Variants in DDOST observed in about 807,000 individuals in gnomAD.
DDOST encodes dolichyl-diphosphooligosaccharide--protein glycosyltransferase non-catalytic subunit.
In DDOST, 25 loss-of-function variants were observed where a neutral mutation model predicts 47.6. The ratio of observed to expected loss-of-function variants is 0.53; its 90% CI spans 0.38 to 0.73. The LOEUF (loss-of-function observed/expected upper bound fraction) is 0.73. Among genes scored for constraint, DDOST ranks in the 30% least tolerant of loss-of-function variants. The probability of loss-of-function intolerance (pLI) is 0.00; values close to 1 mark genes in which losing one functional copy is unlikely to be tolerated. For synonymous variants in DDOST, 275 were observed against 236.0 expected (o/e 1.17, Z -1.51); for missense variants, 526 against 573.9 (o/e 0.92, Z 0.85).
At chr1:20,658,379 T>C (rs1011756767) in intron 2 of DDOST, among the ~76,000 whole-genome samples, 2 of 152,216 alleles carry the variant, frequency 1.3e-5, no homozygotes, top group African/African-American at 4.8e-5. Context: ...GGCAGGGCCC[T>C]GGGAGCAGAC....
At chr1:20,657,877 C>A (rs951100984) in intron 2 of DDOST, among the ~76,000 whole-genome samples, 1 of 152,174 alleles carries the variant, frequency 6.6e-6, no homozygotes, top group Non-Finnish European at 1.5e-5. Context: ...AGCCTATTGG[C>A]ACAGTGCAGT....
Position 20,655,750 on chromosome 1 carries a change from A to G in DDOST, c.382T>C (p.Cys128Arg). Residue 128 changes from cysteine (C) to arginine (R), a missense_variant, in exon 4 of 11, where the codon TGC becomes CGC. Transcript: ENST00000602624. ...GDPLRELGSECGIEFDEEKTA... is the reference protein window; with the variant it reads ...GDPLRELGSERGIEFDEEKTA... ...TTCTCCTCGTCAAACTCAATCCCGC[A>G]CTCACTGCCCAGCTCTCGAAGAGGG... 6.2e-7 allele frequency: 1 copy of G among 1,613,890 alleles called. No individual in the cohort carries two copies. Among genetic ancestry groups the G allele is most frequent in the African/African-American group, 1.3e-5 (1 of 74,930 alleles).
rs1230483132 is a variant in DDOST at position 20,656,168 on chromosome 1, G to A, written c.285C>T (p.Asn95=). ...PSVEDFGGNI[N]VETISAFIDG... ...CAATAAAGGCACTGATGGTCTCCAC[G>A]TTGATGTTGCCTCCAAAATCTGAAA... Residue 95 remains asparagine, a synonymous_variant, in exon 3 of 11, where the codon AAC becomes AAT. Coordinates refer to ENST00000602624, the MANE Select transcript of DDOST (RefSeq NM_005216.5). 16 of 1,613,962 alleles carry A rather than the reference G, an allele frequency of 9.9e-6. No individual in the cohort carries two copies. The highest frequency in any genetic ancestry group is 5.0e-5 in the Admixed American group (3 of 59,992).
intron 7 of DDOST, 52 bp from the exon 8 acceptor site, chr1:20,653,826 G>A (rs1164162850): frequency 3.2e-6 from 5 of 1,585,290 alleles, no homozygotes; most frequent in Admixed American, 1.7e-5. Context: ...CTTTCCAGTG[G>A]TGCCTGATGG....
intron 7 of DDOST, among the ~76,000 whole-genome samples, 165 bp from the exon 8 acceptor site, chr1:20,653,939 G>A (rs1321829647): frequency 2.6e-5 from 4 of 152,176 alleles, no homozygotes; most frequent in South Asian, 2.1e-4. Flanking sequence ...GGAAACAAAC[G>A]AAAAGATATG....
At chr1:20,657,112 G>A (rs180732260) in intron 2 of DDOST, among the ~76,000 whole-genome samples, 232 of 152,294 alleles carry the variant, frequency 1.5e-3, no homozygotes, top group African/African-American at 5.2e-3. Context: ...GCAGTCTGTG[G>A]GGTCAGAGGA....
At chr1:20,655,176 T>TG (rs1325475693) in intron 5 of DDOST, among the ~76,000 whole-genome samples, 60 of 125,008 alleles carry the variant, frequency 4.8e-4, no homozygotes, top group Non-Finnish European at 1.3e-4. Flanking sequence ...TTTTTGTTTT[T>TG]TTTTTTTTTT....
Position 20,656,121 on chromosome 1 carries a change from A to G in DDOST, c.332T>C (p.Val111Ala). Residue 111 changes from valine to alanine, a missense_variant, in exon 3 of 11, where the codon GTA (valine) becomes GCA (alanine). By Grantham distance (64) the Val-to-Ala change is moderately conservative. Coordinates refer to ENST00000602624, the MANE Select transcript of DDOST (RefSeq NM_005216.5). ...AFIDGGGSVL[V>A]AASSDIGDPL... The stretch of plus-strand genomic sequence containing the variant: ...CTCACCAATGTCGGAGCTGGCAGCT[A>G]CCAGCACACTGCCTCCGCCGTCAAT... The G allele has an allele frequency of 6.2e-7, 1 of 1,613,894 alleles. No individual in the cohort carries two copies. Among genetic ancestry groups the G allele is most frequent in the Non-Finnish European group, 8.5e-7 (1 of 1,179,740 alleles).
chr1:20,658,433 G>A (rs948758090), intron 2 of DDOST, among the ~76,000 whole-genome samples: 1 of 152,248 alleles, frequency 6.6e-6, no homozygotes, highest in Non-Finnish European at 1.5e-5. Flanking sequence ...TTCCTCCCAA[G>A]GAACGCCTGA....
chr1:20,661,194 C>T lies in DDOST; in HGVS notation c.154+3G>A, dbSNP rs912277276. 24 of 1,613,320 alleles carry T rather than the reference C, an allele frequency of 1.5e-5. No homozygotes were observed. Among genetic ancestry groups the T allele is most frequent in the Non-Finnish European group, 1.9e-5 (23 of 1,179,786 alleles). On this transcript the variant is annotated splice_donor_region_variant and intron_variant, in intron 1 of 10. Coordinates refer to ENST00000602624, the MANE Select transcript of DDOST (RefSeq NM_005216.5). ...ACGCTACCCCCTCGGACCCCGCTCT[C>T]ACCCTTCAGGCTCCGGAAGAAAAGC...
In DDOST at chr1:20,651,801, T is replaced by TTTTTATTTATTTA. The variant is rs886045853; in HGVS notation, c.*577_*578insTAAATAAATAAAA. 1.4e-5 allele frequency: 2 copies of TTTTTATTTATTTA among 147,120 alleles called. No individual in the cohort carries two copies. The highest frequency in any genetic ancestry group is 5.0e-5 in the African/African-American group (2 of 39,712). The allele number at this position is 147,120 out of a possible 1,614,324, so 9.1% of individuals were successfully genotyped here. A position where few individuals can be genotyped will look rare whatever the true frequency, so the allele number is the denominator to read the frequency against. On this transcript the variant is annotated 3_prime_UTR_variant, in exon 11 of 11. Coordinates refer to ENST00000602624, the MANE Select transcript of DDOST (RefSeq NM_005216.5). ...GTTTGAGGGCAACATCTCGCTTTAT[T>TTTTTATTTATTTA]TTTATTTATTTATTTATTTATTTAT...
chr1:20,651,801 T>TTTTATTTATTTATTTATTTATTTA lies in DDOST; in HGVS notation c.*554_*577dup, dbSNP rs78039244. On this transcript the variant is annotated 3_prime_UTR_variant, in exon 11 of 11. Transcript: ENST00000602624. ...GTTTGAGGGCAACATCTCGCTTTATTTTTATTTATTTATTTATTTATTTAT... is the reference window on the plus strand; with the variant it reads ...GTTTGAGGGCAACATCTCGCTTTATTTTTATTTATTTATTTATTTATTTATTTATTTATTTATTTATTTATTTAT... The TTTTATTTATTTATTTATTTATTTA allele has an allele frequency of 9.9e-4, 146 of 147,210 alleles. 1 individual carries two copies. The highest frequency in any genetic ancestry group is 2.4e-3 in the East Asian group (12 of 4,946). The allele number at this position is 147,210 out of a possible 1,614,324, so 9.1% of individuals were successfully genotyped here.
In DDOST at chr1:20,652,217, A is replaced by G; in HGVS notation, c.*162T>C. The G allele has an allele frequency of 4.6e-6, 3 of 654,730 alleles. No individual in the cohort carries two copies. The highest frequency in any genetic ancestry group is 7.1e-6 in the Non-Finnish European group (3 of 421,784). 40.6% of individuals were successfully genotyped at this position (654,730 alleles called of 1,614,324 possible). On this transcript the variant is annotated 3_prime_UTR_variant, in exon 11 of 11. Transcript: ENST00000602624. Reference sequence around the variant, plus strand: ...GTGGAAAAACTTCTTTTATATAAAAATTATCCCAACTCCCACCCCTTGGCT... The same window carrying G: ...GTGGAAAAACTTCTTTTATATAAAAGTTATCCCAACTCCCACCCCTTGGCT...
chr1:20,655,405 G>T, intron 5 of DDOST, 35 bp downstream of exon 5: 2 of 1,527,124 alleles, frequency 1.3e-6, no homozygotes, highest in Non-Finnish European at 9.0e-7. Context: ...TCTTCCCCCA[G>T]GTTTCTGCTG....
At chr1:20,657,887 T>G (rs1445157772) in intron 2 of DDOST, among the ~76,000 whole-genome samples, 3 of 152,192 alleles carry the variant, frequency 2.0e-5, no homozygotes, top group Admixed American at 2.0e-4. Flanking sequence ...CACAGTGCAG[T>G]GGTTTGCAAT....
At position 20,654,426 on chromosome 1, in the gene DDOST, C is replaced by T. The variant is rs1403287688; in HGVS notation, c.646-55G>A. ...CAGTTCCAAGTAAGGGAAAAGCTGC[C>T]ACGCCTCCCGAACAAGAGGACAGCA... On this transcript the variant is annotated intron_variant, in intron 6 of 10. Coordinates refer to ENST00000602624, the MANE Select transcript of DDOST (RefSeq NM_005216.5). The T allele has an allele frequency of 3.9e-6, 6 of 1,542,244 alleles. No homozygotes were observed. The Admixed American group carries it at 5.9e-5, about 15-fold the overall frequency.
chr1:20,659,823 T>C (rs960696974), intron 2 of DDOST, among the ~76,000 whole-genome samples: 3 of 151,992 alleles, frequency 2.0e-5, no homozygotes, highest in Admixed American at 1.3e-4. Flanking sequence ...GGAGGGAGGA[T>C]CACTTGAACC....
In DDOST at chr1:20,654,353, T is replaced by C. The variant is rs1415365516; in HGVS notation, c.664A>G (p.Lys222Glu). The C allele has an allele frequency of 6.4e-7, 1 of 1,559,832 alleles. No individual in the cohort carries two copies. The highest frequency in any genetic ancestry group is 8.7e-7 in the Non-Finnish European group (1 of 1,150,822). ...PITQYPHAVG[K>E]NTLLIAGLQA... is the part of the protein sequence containing the mutation. ...AGCCCAGCAATGAGGAGGGTGTTCT[T>C]CCCCACCGCATGTGGATACTGGGAA... The change falls in exon 7 of 11, where the codon AAG becomes GAG. Residue 222 changes from lysine (K) to glutamate (E), a missense_variant. Lys to Glu is a moderately conservative substitution (Grantham distance 56). Transcript: ENST00000602624.
intron 2 of DDOST, among the ~76,000 whole-genome samples, chr1:20,658,161 G>A (rs563986714): frequency 6.6e-6 from 1 of 152,236 alleles, no homozygotes; most frequent in Non-Finnish European, 1.5e-5. Flanking sequence ...TCACCCTTCT[G>A]AACCCACTTC....
Sources: gnomAD v4.1 joint callset for allele counts (sites outside exome capture counted in the v4.1 genomes callset) on GRCh38, gnomAD v4.1.1 for gene constraint, MANE v1.5 for transcripts, NCBI Gene and HGNC (gene_info 2026-07-23, HGNC 2026-07-21) for gene names.